BDKRB2: variants seen among roughly 807,000 people sequenced by gnomAD.
BDKRB2 encodes B2 bradykinin receptor.
BDKRB2 carries 6 observed loss-of-function variants against 4.0 expected under a neutral mutation model. The observed-to-expected ratio is 1.49, with a 90% confidence interval of 0.81 to 2.93. The LOEUF is 2.93. BDKRB2 is among the 30% of genes most tolerant of loss of function. The pLI, the probability that BDKRB2 is intolerant of heterozygous loss-of-function variation, is 0.00. For synonymous variants in BDKRB2, 225 were observed against 215.3 expected, an observed-to-expected ratio of 1.05 and a Z score of -0.40; for missense variants, 478 against 520.1, an observed-to-expected ratio of 0.92 and a Z score of 0.79.
At position 96,242,469 on chromosome 14, in the gene BDKRB2, GT is replaced by G. The variant is rs1233730780; in HGVS notation, c.*968del. The G allele has an allele frequency of 2.0e-5, 3 of 152,382 alleles. No individual in the cohort carries two copies. Among genetic ancestry groups the G allele is most frequent in the African/African-American group, 7.2e-5 (3 of 41,584 alleles). 9.4% of individuals were successfully genotyped at this position (152,382 alleles called of 1,614,324 possible). ...CATTACGCAGACGTAACTGGGATATGTTTACTATAAGGAAAAGACACTGAGG... is the reference window on the plus strand; with the variant it reads ...CATTACGCAGACGTAACTGGGATATGTTACTATAAGGAAAAGACACTGAGG... On this transcript the variant is annotated 3_prime_UTR_variant, in exon 3 of 3. Coordinates refer to ENST00000554311, the MANE Select transcript of BDKRB2 (RefSeq NM_001379692.1).
At chr14:96,229,806 TATTAAATTAA>T (rs1245398072) in intron 1 of BDKRB2, among the ~76,000 whole-genome samples, 2 of 152,128 alleles carry the variant, frequency 1.3e-5, no homozygotes, top group African/African-American at 4.8e-5. Context: ...GCTGTGGCAC[TATTAAATTAA>T]ATTAAATTAA....
In BDKRB2 at chr14:96,237,690, A is replaced by G. The variant is rs949443126; in HGVS notation, c.74+509A>G. 6 of 1,288,154 alleles carry G rather than the reference A, an allele frequency of 4.7e-6. No homozygotes were observed. In the African/African-American group the frequency reaches 9.1e-5, roughly 20 times the overall value. 79.8% of individuals were successfully genotyped at this position (1,288,154 alleles called of 1,614,324 possible). A position where few individuals can be genotyped will look rare whatever the true frequency, so the allele number is the denominator to read the frequency against. On this transcript the variant is annotated intron_variant, in intron 2 of 2. Coordinates refer to ENST00000554311, the MANE Select transcript of BDKRB2 (RefSeq NM_001379692.1). ...TGCAAGAAACAAGGCTGAGGGGTCC[A>G]CTCCAACCTCTCCACCCTGCTGCAG...
rs1157390394 is a variant in BDKRB2 at position 96,239,302 on chromosome 14, G to A, written c.75-1101G>A. ...AAAGAAATGCAAAGCGATTCAGGAT[G>A]AGAGCAATACCCTACTCCAAAGAAG... On this transcript the variant is annotated intron_variant, in intron 2 of 2. Coordinates refer to ENST00000554311, the MANE Select transcript of BDKRB2 (RefSeq NM_001379692.1). 3 of 973,700 alleles carry A rather than the reference G, an allele frequency of 3.1e-6. No homozygotes were observed. The African/African-American group carries it at 5.3e-5, about 17-fold the overall frequency. The allele number at this position is 973,700 out of a possible 1,614,324, so 60.3% of individuals were successfully genotyped here.
intron 2 of BDKRB2, chr14:96,237,884 A>C (rs1350751156): frequency 5.5e-6 from 7 of 1,281,852 alleles, no homozygotes; most frequent in Non-Finnish European, 6.1e-6. Context: ...TCTTGCTGAG[A>C]AATTAATAAG....
chr14:96,210,125 C>T (rs1890272837), intron 1 of BDKRB2, among the ~76,000 whole-genome samples: 1 of 152,160 alleles, frequency 6.6e-6, no homozygotes, highest in Non-Finnish European at 1.5e-5. Flanking sequence ...ACCTGTGAAG[C>T]TAAGCTGTTA....
At chr14:96,206,861 C>A (rs187694776) in intron 1 of BDKRB2, among the ~76,000 whole-genome samples, 78 of 152,130 alleles carry the variant, frequency 5.1e-4, no homozygotes, top group Middle Eastern at 3.4e-3. Flanking sequence ...TTATTGCTCT[C>A]GGTGCTGGAG....
intron 1 of BDKRB2, among the ~76,000 whole-genome samples, chr14:96,231,890 T>C (rs1028402777): frequency 6.6e-6 from 1 of 152,088 alleles, no homozygotes; most frequent in African/African-American, 2.4e-5. Flanking sequence ...TGAGAGGAGA[T>C]AGGAGATGCA....
chr14:96,222,108 G>T (rs1014514827), intron 1 of BDKRB2, among the ~76,000 whole-genome samples: 1 of 152,028 alleles, frequency 6.6e-6, no homozygotes, highest in African/African-American at 2.4e-5. Context: ...TCAGTAATTT[G>T]CTAGGATGGC....
chr14:96,234,454 G>A (rs1890887592), intron 1 of BDKRB2, among the ~76,000 whole-genome samples: 1 of 152,152 alleles, frequency 6.6e-6, no homozygotes, highest in African/African-American at 2.4e-5. Flanking sequence ...CCAAAGAGAA[G>A]CCGGAAGGCA....
intron 1 of BDKRB2, among the ~76,000 whole-genome samples, chr14:96,232,937 GA>G (rs1477857219): frequency 1.3e-5 from 2 of 152,192 alleles, no homozygotes; most frequent in Non-Finnish European, 2.9e-5. Flanking sequence ...ACAAAAAACA[GA>G]TGAACAAGAG....
At chr14:96,230,027 G>A (rs1890782506) in intron 1 of BDKRB2, among the ~76,000 whole-genome samples, 3 of 151,744 alleles carry the variant, frequency 2.0e-5, no homozygotes, top group South Asian at 4.2e-4. Flanking sequence ...CCAACTACTC[G>A]GGAGGCTGAG....
At chr14:96,226,278 G>A (rs973902192) in intron 1 of BDKRB2, among the ~76,000 whole-genome samples, 16 of 152,164 alleles carry the variant, frequency 1.1e-4, no homozygotes, top group African/African-American at 3.9e-4. Context: ...GGGGTATGAG[G>A]TCTTGGTTTT....
intron 1 of BDKRB2, among the ~76,000 whole-genome samples, chr14:96,214,087 G>A (rs942556189): frequency 2.0e-5 from 3 of 152,124 alleles, no homozygotes; most frequent in African/African-American, 7.2e-5. Flanking sequence ...GGTGGGCGGT[G>A]ATCCAAAAGC....
intron 1 of BDKRB2, among the ~76,000 whole-genome samples, chr14:96,225,425 AG>A (rs1890672178): frequency 1.3e-5 from 2 of 151,722 alleles, no homozygotes; most frequent in African/African-American, 4.9e-5. Context: ...TGGCCCTTGT[AG>A]GGTGGCACTA....
chr14:96,236,639 T>C (rs1232087920), intron 1 of BDKRB2, among the ~76,000 whole-genome samples: 1 of 152,178 alleles, frequency 6.6e-6, no homozygotes, highest in Admixed American at 6.5e-5. Context: ...CAGTCCTGAC[T>C]TCCTGAGCAG....
At chr14:96,223,540 T>G (rs1890626607) in intron 1 of BDKRB2, among the ~76,000 whole-genome samples, 2 of 152,158 alleles carry the variant, frequency 1.3e-5, no homozygotes, top group South Asian at 4.1e-4. Flanking sequence ...CCCAGCCAGA[T>G]GAGTGCTCTG....
intron 1 of BDKRB2, among the ~76,000 whole-genome samples, chr14:96,231,967 G>T (rs961715665): frequency 2.6e-5 from 4 of 152,150 alleles, no homozygotes; most frequent in African/African-American, 9.7e-5. Flanking sequence ...AGCTCTCCTG[G>T]ATGGACAGAC....
chr14:96,237,125 G>T lies in BDKRB2; in HGVS notation c.18G>T (p.Lys6Asn). The change falls in exon 2 of 3, where the codon AAG (lysine) becomes AAT (asparagine). Residue 6 changes from lysine to asparagine, a missense_variant. By Grantham distance (94) the Lys-to-Asn change is moderately conservative. Coordinates refer to ENST00000554311, the MANE Select transcript of BDKRB2 (RefSeq NM_001379692.1). Reference sequence around the variant, plus strand: ...GAGTCCAAATGTTCTCTCCCTGGAAGATATCAATGTTTCTGTCTGTTCGTG... The same window carrying T: ...GAGTCCAAATGTTCTCTCCCTGGAATATATCAATGTTTCTGTCTGTTCGTG... MFSPW[K>N]ISMFLSVRED... 1 of 1,614,082 alleles carries T rather than the reference G, an allele frequency of 6.2e-7. No homozygotes were observed. The highest frequency in any genetic ancestry group is 1.6e-4 in the Middle Eastern group (1 of 6,062).
intron 1 of BDKRB2, among the ~76,000 whole-genome samples, chr14:96,208,007 C>T (rs573382307): frequency 9.8e-5 from 15 of 152,296 alleles, no homozygotes; most frequent in East Asian, 5.8e-4. Context: ...TGCGAGGCAG[C>T]GCATTCCATC....
Sources: allele counts gnomAD v4.1 joint callset (sites outside exome capture counted in the v4.1 genomes callset), GRCh38; gene constraint gnomAD v4.1.1; transcripts MANE v1.5; gene names NCBI Gene and HGNC (gene_info 2026-07-23, HGNC 2026-07-21).